Variants in CYP2C19 observed in about 807,000 individuals in gnomAD.
CYP2C19 encodes cytochrome P450 2C19.
CYP2C19 carries 59 observed loss-of-function variants against 40.9 expected under a neutral mutation model. The ratio of observed to expected loss-of-function variants is 1.44; its 90% CI spans 1.17 to 1.79. The LOEUF (loss-of-function observed/expected upper bound fraction) is 1.79, where lower values mean the gene tolerates loss of function less well. Among genes scored for constraint, CYP2C19 ranks in the 40% most tolerant of loss-of-function variants. CYP2C19 has a pLI of 0.00. For synonymous variants in CYP2C19, 253 were observed against 208.7 expected, an observed-to-expected ratio of 1.21 and a Z score of -1.83; for missense variants, 754 against 596.9, an observed-to-expected ratio of 1.26 and a Z score of -2.74.
At chr10:94,841,502 A>G (rs932838378) in intron 6 of CYP2C19, among the ~76,000 whole-genome samples, 7 of 152,162 alleles carry the variant, frequency 4.6e-5, no homozygotes, top group African/African-American at 1.2e-4. Context: ...GAGCTCCCAT[A>G]CAAAGGGAGG....
chr10:94,835,723 A>G (rs1216074861), intron 6 of CYP2C19, among the ~76,000 whole-genome samples: 1 of 152,094 alleles, frequency 6.6e-6, no homozygotes, highest in Non-Finnish European at 1.5e-5. Context: ...CTTTCCCTCC[A>G]TATTGCTTCA....
At chr10:94,772,421 G>A (rs564449725) in intron 1 of CYP2C19, among the ~76,000 whole-genome samples, 5 of 152,166 alleles carry the variant, frequency 3.3e-5, no homozygotes, top group Non-Finnish European at 7.3e-5. Flanking sequence ...GAGACAGGCA[G>A]TGGTTTTTAG....
intron 6 of CYP2C19, among the ~76,000 whole-genome samples, chr10:94,835,466 G>C (rs978447830): frequency 1.9e-4 from 29 of 152,198 alleles, no homozygotes; most frequent in Admixed American, 1.9e-3. Context: ...ATTGGGGCTT[G>C]GTTTCCCGGA....
Position 94,820,559 on chromosome 10 carries a change from C to G in CYP2C19, c.883C>G (p.Leu295Val), listed in dbSNP as rs773831372. The change falls in exon 6 of 9, where the codon CTT becomes GTT. Residue 295 changes from leucine to valine, a missense_variant. Coordinates refer to ENST00000371321, the MANE Select transcript of CYP2C19 (RefSeq NM_000769.4). ...ENLVITAADLLGAGTETTSTT... is the reference protein window; with the variant it reads ...ENLVITAADLVGAGTETTSTT... ...CTTGGTAATCACTGCAGCTGACTTA[C>G]TTGGAGCTGGGACAGAGACAACAAG... The G allele has an allele frequency of 2.5e-6, 4 of 1,614,158 alleles. No homozygotes were observed. The highest frequency in any genetic ancestry group is 3.4e-6 in the Non-Finnish European group (4 of 1,180,040).
At chr10:94,839,103 C>T (rs946968636) in intron 6 of CYP2C19, among the ~76,000 whole-genome samples, 1 of 152,176 alleles carries the variant, frequency 6.6e-6, no homozygotes, top group Non-Finnish European at 1.5e-5. Context: ...AGAGCATCCT[C>T]TATGGTCCTA....
At chr10:94,765,682 G>A (rs1848230674) in intron 1 of CYP2C19, among the ~76,000 whole-genome samples, 1 of 152,134 alleles carries the variant, frequency 6.6e-6, no homozygotes, top group South Asian at 2.1e-4. Context: ...GAATGGTCAT[G>A]CAGGGAGTAT....
chr10:94,776,955 T>C (rs1468538688), intron 3 of CYP2C19, among the ~76,000 whole-genome samples: 1 of 152,138 alleles, frequency 6.6e-6, no homozygotes, highest in Non-Finnish European at 1.5e-5. Flanking sequence ...CAGCAACGTC[T>C]CAGGATACAA....
At chr10:94,837,493 C>G (rs1849422819) in intron 6 of CYP2C19, among the ~76,000 whole-genome samples, 1 of 152,108 alleles carries the variant, frequency 6.6e-6, no homozygotes, top group African/African-American at 2.4e-5. Flanking sequence ...TATAATGGCC[C>G]CTGGTTTTGC....
rs563920999 is a variant in CYP2C19 at position 94,808,365 on chromosome 10, T to A, written c.820-12131T>A. ...GAGATCTTTTGATATAAAAATGCCA[T>A]GTGTAATAATCACATTATGGAAGAT... On this transcript the variant is annotated intron_variant, in intron 5 of 8. Transcript: ENST00000371321. Among the ~76,000 whole-genome samples, 240 of 152,296 alleles carry A rather than the reference T, an allele frequency of 1.6e-3. 1 individual carries two copies. The highest frequency in any genetic ancestry group is 2.8e-3 in the Non-Finnish European group (187 of 67,984).
At chr10:94,792,582 G>A (rs1251323551) in intron 5 of CYP2C19, among the ~76,000 whole-genome samples, 1 of 152,142 alleles carries the variant, frequency 6.6e-6, no homozygotes, top group Non-Finnish European at 1.5e-5. Flanking sequence ...TAGCTCGTCT[G>A]TAAAGGATTT....
chr10:94,821,675 A>T (rs2134269482), intron 6 of CYP2C19, among the ~76,000 whole-genome samples: 1 of 152,262 alleles, frequency 6.6e-6, no homozygotes, highest in African/African-American at 2.4e-5. Context: ...GCAGATAATA[A>T]ATATTCTTTT....
At chr10:94,827,854 G>C (rs987443669) in intron 6 of CYP2C19, among the ~76,000 whole-genome samples, 2 of 152,020 alleles carry the variant, frequency 1.3e-5, no homozygotes, top group South Asian at 4.2e-4. Flanking sequence ...AGAGATTCTG[G>C]TATGTTGTGT....
intron 5 of CYP2C19, among the ~76,000 whole-genome samples, chr10:94,812,234 A>G (rs1848937032): frequency 6.6e-6 from 1 of 152,144 alleles, no homozygotes; most frequent in Admixed American, 6.6e-5. Context: ...GAGCTTCTCC[A>G]GAGAGATATG....
intron 5 of CYP2C19, among the ~76,000 whole-genome samples, chr10:94,795,531 G>A (rs945854862): frequency 2.7e-5 from 4 of 150,686 alleles, no homozygotes; most frequent in South Asian, 2.1e-4. Flanking sequence ...TAATGGGATG[G>A]CTGGGTCAAA....
At chr10:94,775,368 G>C (rs370987525) in intron 2 of CYP2C19, 22 bp from the exon 3 acceptor site, 52 of 1,613,286 alleles carry the variant, frequency 3.2e-5, no homozygotes, top group Admixed American at 1.0e-4. Context: ...CTCCCTCCTA[G>C]TTTCGTTTCT....
intron 5 of CYP2C19, among the ~76,000 whole-genome samples, chr10:94,790,729 G>C (rs916864910): frequency 6.6e-5 from 10 of 151,846 alleles, no homozygotes; most frequent in Non-Finnish European, 2.9e-5. Context: ...CAACTTGATC[G>C]TGGTGGATAA....
At chr10:94,838,185 G>A (rs777694291) in intron 6 of CYP2C19, among the ~76,000 whole-genome samples, 15 of 152,142 alleles carry the variant, frequency 9.9e-5, no homozygotes, top group Non-Finnish European at 2.1e-4. Context: ...GTTAGCAAAT[G>A]TCTGTGGCAC....
In CYP2C19 at chr10:94,803,021, C is replaced by T. The variant is rs896118114; in HGVS notation, c.820-17475C>T. Among the ~76,000 whole-genome samples, 5 of 151,980 alleles carry T rather than the reference C, an allele frequency of 3.3e-5. No individual in the cohort carries two copies. In the East Asian group the frequency reaches 7.7e-4, roughly 23 times the overall value. On this transcript the variant is annotated intron_variant, in intron 5 of 8. Coordinates refer to ENST00000371321, the MANE Select transcript of CYP2C19 (RefSeq NM_000769.4). ...TCTCTGGCTGCTCTTAATATTTTTT[C>T]CTTCATATCATATTTTGAATATTTT...
intron 5 of CYP2C19, among the ~76,000 whole-genome samples, chr10:94,808,592 C>T (rs766487044): frequency 1.1e-4 from 16 of 152,112 alleles, no homozygotes; most frequent in Non-Finnish European, 1.9e-4. Context: ...CTCACTGTCC[C>T]TCCCAGCCTC....
Sources: allele counts gnomAD v4.1 joint callset (sites outside exome capture counted in the v4.1 genomes callset), GRCh38; gene constraint gnomAD v4.1.1; transcripts MANE v1.5; gene names NCBI Gene and HGNC (gene_info 2026-07-23, HGNC 2026-07-21).